Variants in GALNT17 observed in about 807,000 individuals in gnomAD.
The protein encoded by GALNT17 is polypeptide N-acetylgalactosaminyltransferase 17.
GALNT17 carries 29 observed loss-of-function variants against 63.7 expected under a neutral mutation model. That is an observed-to-expected ratio of 0.46 (90% confidence interval 0.34 to 0.62). The LOEUF is 0.62. GALNT17 is among the 20% of genes least tolerant of loss of function. The pLI, the probability that GALNT17 is intolerant of heterozygous loss-of-function variation, is 0.01. For synonymous variants in GALNT17, 305 were observed against 318.3 expected, an observed-to-expected ratio of 0.96 and a Z score of 0.45; for missense variants, 603 against 799.6, an observed-to-expected ratio of 0.75 and a Z score of 2.97.
chr7:71,306,928 A>C (rs978487035), intron 1 of GALNT17, among the ~76,000 whole-genome samples: 2 of 152,096 alleles, frequency 1.3e-5, no homozygotes, highest in African/African-American at 4.8e-5. Context: ...GGTTCATGCC[A>C]TTCTCCTGCC....
At chr7:71,197,192 CTTTTTTTT>C (rs34276195) in intron 1 of GALNT17, among the ~76,000 whole-genome samples, 1 of 69,806 alleles carries the variant, frequency 1.4e-5, no homozygotes, top group Middle Eastern at 0.016. Flanking sequence ...CCCTGTTGTG[CTTTTTTTT>C]TTTTTTTTTT....
At chr7:71,274,494 A>G (rs1268668893) in intron 1 of GALNT17, among the ~76,000 whole-genome samples, 1 of 152,226 alleles carries the variant, frequency 6.6e-6, no homozygotes, top group East Asian at 1.9e-4. Flanking sequence ...TGCCCAGGCT[A>G]GTCTTGAAGT....
chr7:71,161,147 T>G (rs1788334994), intron 1 of GALNT17, among the ~76,000 whole-genome samples: 1 of 152,182 alleles, frequency 6.6e-6, no homozygotes, highest in Admixed American at 6.5e-5. Flanking sequence ...TGATATATTT[T>G]GTCAAACTGC....
intron 1 of GALNT17, among the ~76,000 whole-genome samples, chr7:71,228,234 A>G (rs1461824247): frequency 2.0e-5 from 3 of 152,030 alleles, no homozygotes; most frequent in Non-Finnish European, 4.4e-5. Flanking sequence ...GGATGGCTGG[A>G]CTCTGCTAAA....
At chr7:71,445,407 G>A (rs1473628447) in intron 5 of GALNT17, among the ~76,000 whole-genome samples, 1 of 151,140 alleles carries the variant, frequency 6.6e-6, no homozygotes, top group Non-Finnish European at 1.5e-5. Flanking sequence ...ATGTTGGCCA[G>A]GCTGGTCTCG....
At chr7:71,696,083 G>A (rs1316747702) in intron 9 of GALNT17, among the ~76,000 whole-genome samples, 1 of 152,178 alleles carries the variant, frequency 6.6e-6, no homozygotes, top group Non-Finnish European at 1.5e-5. Flanking sequence ...TCTGTCTCTT[G>A]AGTAGAAGCT....
intron 1 of GALNT17, among the ~76,000 whole-genome samples, chr7:71,309,539 C>T (rs976939280): frequency 7.9e-5 from 12 of 151,998 alleles, no homozygotes; most frequent in African/African-American, 1.2e-4. Flanking sequence ...ACACTTTTGT[C>T]GTGTCATTTA....
chr7:71,431,840 A>G (rs1786872832), intron 5 of GALNT17, among the ~76,000 whole-genome samples: 1 of 152,144 alleles, frequency 6.6e-6, no homozygotes, highest in East Asian at 1.9e-4. Flanking sequence ...GAAAAGCTGT[A>G]CAATCATGGT....
chr7:71,372,257 C>T (rs749169656), intron 2 of GALNT17, among the ~76,000 whole-genome samples: 12 of 152,188 alleles, frequency 7.9e-5, no homozygotes, highest in Non-Finnish European at 1.2e-4. Context: ...CTCCACCTCC[C>T]GGCCTCAAGC....
intron 1 of GALNT17, among the ~76,000 whole-genome samples, chr7:71,156,057 G>A (rs922738975): frequency 2.0e-5 from 3 of 151,692 alleles, no homozygotes; most frequent in Admixed American, 1.3e-4. Context: ...TTAGCCAGGC[G>A]TGGTGGTGTA....
At chr7:71,389,282 C>T (rs147780454) in intron 3 of GALNT17, among the ~76,000 whole-genome samples, 2,349 of 152,134 alleles carry the variant, frequency 0.015, 22 homozygotes, top group African/African-American at 0.027. Context: ...TGCAGGCACA[C>T]ACCAACATGC....
At chr7:71,290,836 G>C (rs903691141) in intron 1 of GALNT17, among the ~76,000 whole-genome samples, 1 of 152,152 alleles carries the variant, frequency 6.6e-6, no homozygotes, top group Non-Finnish European at 1.5e-5. Context: ...ATAAAAGGCG[G>C]TAATTGGAAA....
chr7:71,426,169 G>C (rs113766317), intron 5 of GALNT17, among the ~76,000 whole-genome samples: 1 of 152,152 alleles, frequency 6.6e-6, no homozygotes, highest in African/African-American at 2.4e-5. Flanking sequence ...TTTGGGCGGG[G>C]GTGCAGAGCC....
At chr7:71,323,421 A>C (rs1206794412) in intron 1 of GALNT17, among the ~76,000 whole-genome samples, 1 of 152,146 alleles carries the variant, frequency 6.6e-6, no homozygotes, top group Non-Finnish European at 1.5e-5. Context: ...AGGTGTACTA[A>C]TTGTCCTAAT....
At chr7:71,213,247 C>T (rs921696380) in intron 1 of GALNT17, among the ~76,000 whole-genome samples, 1 of 152,160 alleles carries the variant, frequency 6.6e-6, no homozygotes, top group Non-Finnish European at 1.5e-5. Flanking sequence ...GCTTTTGCTT[C>T]TTCCTCATTT....
chr7:71,639,957 G>A lies in GALNT17; in HGVS notation c.1081-25454G>A, dbSNP rs144467825. ...CTCTGAATAAGGATAATCATTTCTC[G>A]CAATCTGGAAACCATGTTATTTAGA... On this transcript the variant is annotated intron_variant, in intron 6 of 10. Coordinates refer to ENST00000333538, the MANE Select transcript of GALNT17 (RefSeq NM_022479.3). 8.5e-5 allele frequency among the ~76,000 whole-genome samples: 13 copies of A among 152,184 alleles called. No homozygotes were observed. In the East Asian group the frequency reaches 1.5e-3, roughly 18 times the overall value.
chr7:71,135,133 T>G (rs939835096), intron 1 of GALNT17, among the ~76,000 whole-genome samples: 4 of 152,154 alleles, frequency 2.6e-5, no homozygotes, highest in Admixed American at 2.6e-4. Flanking sequence ...ATGACAGGCG[T>G]GAGCCACCAT....
chr7:71,185,632 C>T (rs1301958138), intron 1 of GALNT17, among the ~76,000 whole-genome samples: 3 of 151,750 alleles, frequency 2.0e-5, no homozygotes, highest in Non-Finnish European at 2.9e-5. Flanking sequence ...CTCAGCCTCC[C>T]GAGTAGCTGG....
intron 6 of GALNT17, among the ~76,000 whole-genome samples, chr7:71,662,327 T>TATCTATC (rs1252951622): frequency 6.6e-6 from 1 of 151,418 alleles, no homozygotes; most frequent in East Asian, 1.9e-4. Flanking sequence ...TTTATCTATC[T>TATCTATC]ATCTATCTGT....
Sources: gnomAD v4.1 joint callset for allele counts (sites outside exome capture counted in the v4.1 genomes callset) on GRCh38, gnomAD v4.1.1 for gene constraint, MANE v1.5 for transcripts, NCBI Gene and HGNC (gene_info 2026-07-23, HGNC 2026-07-21) for gene names.